The following TLL2 variants were observed in gnomAD, a reference collection of about 807,000 sequenced individuals.
The protein encoded by TLL2 is tolloid-like protein 2.
Under a neutral mutation model 123.0 loss-of-function variants are expected in TLL2, and 106 were observed. The observed-to-expected ratio is 0.86, with a 90% confidence interval of 0.74 to 1.01. TLL2 has a LOEUF of 1.01. Ranked by LOEUF, TLL2 falls within the 50% of genes least tolerant of loss-of-function variation. TLL2 has a pLI of 0.00. For synonymous variants in TLL2, 494 were observed against 516.8 expected, an observed-to-expected ratio of 0.96 and a Z score of 0.60; for missense variants, 1,332 against 1,336.7, an observed-to-expected ratio of 1.00 and a Z score of 0.06.
Position 96,368,058 on chromosome 10 carries a change from C to A in TLL2, c.*30G>T, listed in dbSNP as rs1416760423. The A allele has an allele frequency of 6.2e-6, 10 of 1,609,416 alleles. No individual in the cohort carries two copies. Among genetic ancestry groups the A allele is most frequent in the Non-Finnish European group, 8.5e-6 (10 of 1,177,182 alleles). On this transcript the variant is annotated 3_prime_UTR_variant, in exon 21 of 21. Transcript: ENST00000357947. ...AAAACAAAACAAAACAAAAAAAATT[C>A]TCAGTTTCTGTCTTTCAAGAACATC...
intron 2 of TLL2, among the ~76,000 whole-genome samples, chr10:96,472,454 A>C (rs894964865): frequency 6.6e-6 from 1 of 152,178 alleles, no homozygotes; most frequent in Non-Finnish European, 1.5e-5. Flanking sequence ...CCCCATCTAT[A>C]AGCTCTCTCA....
At chr10:96,460,524 G>C (rs1256539372) in intron 2 of TLL2, among the ~76,000 whole-genome samples, 1 of 152,122 alleles carries the variant, frequency 6.6e-6, no homozygotes, top group Non-Finnish European at 1.5e-5. Flanking sequence ...GGGTGTGATT[G>C]GATCATGGGG....
At chr10:96,396,866 T>A (rs908036749) in intron 11 of TLL2, among the ~76,000 whole-genome samples, 2 of 152,214 alleles carry the variant, frequency 1.3e-5, no homozygotes, top group African/African-American at 2.4e-5. Flanking sequence ...ATTCAGAGGC[T>A]GCTATCATTT....
intron 1 of TLL2, among the ~76,000 whole-genome samples, chr10:96,511,570 C>T (rs566787363): frequency 6.6e-6 from 1 of 152,348 alleles, no homozygotes; most frequent in South Asian, 2.1e-4. Flanking sequence ...ACAGAATATG[C>T]GTGCCCCTGA....
intron 2 of TLL2, among the ~76,000 whole-genome samples, chr10:96,474,598 G>A (rs151292756): frequency 1.3e-5 from 2 of 152,338 alleles, no homozygotes; most frequent in Non-Finnish European, 2.9e-5. Flanking sequence ...TGGGAAGAGA[G>A]GCTGGATACA....
At chr10:96,459,697 AAAAAAAAAATAT>A (rs1847056660) in intron 2 of TLL2, among the ~76,000 whole-genome samples, 1 of 58,680 alleles carries the variant, frequency 1.7e-5, no homozygotes, top group African/African-American at 6.8e-5. Flanking sequence ...AAAAAAAAAA[AAAAAAAAAATAT>A]ATATATATAT....
chr10:96,376,762 G>T lies in TLL2; in HGVS notation c.2378C>A (p.Pro793His). Reference protein sequence around the residue: ...VEGTLASPNWPDKYPSRRECT... With the variant: ...VEGTLASPNWHDKYPSRRECT... The stretch of plus-strand genomic sequence containing the variant: ...CTCCCTCCGGCTGGGGTATTTGTCA[G>T]GCCAGTTGGGGCTCGCCAGGGTCCC... Residue 793 changes from proline to histidine, a missense_variant, in exon 18 of 21, where the codon CCT becomes CAT. Physicochemically the swap from Pro to His is moderately conservative, Grantham distance 77. Coordinates refer to ENST00000357947, the MANE Select transcript of TLL2 (RefSeq NM_012465.4). 2 of 1,597,888 alleles carry T rather than the reference G, an allele frequency of 1.3e-6. No homozygotes were observed. The highest frequency in any genetic ancestry group is 1.7e-6 in the Non-Finnish European group (2 of 1,173,458).
At chr10:96,467,368 G>C (rs1248271334) in intron 2 of TLL2, among the ~76,000 whole-genome samples, 1 of 152,048 alleles carries the variant, frequency 6.6e-6, no homozygotes, top group Non-Finnish European at 1.5e-5. Flanking sequence ...TGGGATTACA[G>C]ATATATGCCA....
chr10:96,397,398 T>C (rs932043307), intron 10 of TLL2, 96 bp from the exon 11 acceptor site: 11 of 884,092 alleles, frequency 1.2e-5, no homozygotes, highest in Admixed American at 2.5e-5. Context: ...CACACGTGGT[T>C]TGAAGTGAGC....
intron 10 of TLL2, among the ~76,000 whole-genome samples, chr10:96,402,373 C>T (rs574694393): frequency 1.3e-5 from 2 of 152,256 alleles, no homozygotes; most frequent in African/African-American, 4.8e-5. Context: ...ATTCTCTGAC[C>T]CAATTTGTGG....
At chr10:96,502,281 A>G (rs1847541762) in intron 1 of TLL2, among the ~76,000 whole-genome samples, 1 of 152,186 alleles carries the variant, frequency 6.6e-6, no homozygotes, top group African/African-American at 2.4e-5. Context: ...CCCAAGTGCA[A>G]TGGGGTGACA....
chr10:96,453,086 C>A (rs975144368), intron 2 of TLL2, among the ~76,000 whole-genome samples: 1 of 152,182 alleles, frequency 6.6e-6, no homozygotes, highest in Non-Finnish European at 1.5e-5. Flanking sequence ...AATGCTTATA[C>A]ACTCCTGGTG....
intron 1 of TLL2, among the ~76,000 whole-genome samples, chr10:96,492,213 A>T (rs1484537678): frequency 2.0e-5 from 3 of 150,824 alleles, no homozygotes; most frequent in East Asian, 3.9e-4. Flanking sequence ...CCCTTTCTAT[A>T]GAAGGGAGAG....
At chr10:96,499,632 A>G (rs1847512126) in intron 1 of TLL2, among the ~76,000 whole-genome samples, 1 of 152,214 alleles carries the variant, frequency 6.6e-6, no homozygotes, top group African/African-American at 2.4e-5. Flanking sequence ...GTGCAGAATG[A>G]GCCCTCTGCT....
intron 2 of TLL2, among the ~76,000 whole-genome samples, chr10:96,451,240 A>G (rs1456965947): frequency 6.6e-6 from 1 of 152,242 alleles, no homozygotes; most frequent in Non-Finnish European, 1.5e-5. Context: ...TTAAGAAGCA[A>G]TCTGTTAGCA....
At position 96,369,203 on chromosome 10, in the gene TLL2, T is replaced by C. The variant is rs1421439968; in HGVS notation, c.2913+862A>G. ...AGCCAGGGGAGTGACTGGGACACTG[T>C]ACTGGCCAATGCGCAAACTCCCACC... On this transcript the variant is annotated intron_variant, in intron 20 of 20. Coordinates refer to ENST00000357947, the MANE Select transcript of TLL2 (RefSeq NM_012465.4). Among the ~76,000 whole-genome samples the C allele has an allele frequency of 2.6e-5, 4 of 152,266 alleles. No homozygotes were observed. The East Asian group carries it at 7.7e-4, about 29-fold the overall frequency.
At chr10:96,489,167 T>G (rs1847387306) in intron 1 of TLL2, among the ~76,000 whole-genome samples, 1 of 152,210 alleles carries the variant, frequency 6.6e-6, no homozygotes, top group Non-Finnish European at 1.5e-5. Context: ...GTAATGCTGC[T>G]GCAGGAGAGA....
chr10:96,428,749 C>G lies in TLL2; in HGVS notation c.521-1G>C. The G allele has an allele frequency of 1.2e-6, 2 of 1,604,982 alleles. No individual in the cohort carries two copies. The highest frequency in any genetic ancestry group is 1.7e-6 in the Non-Finnish European group (2 of 1,172,978). ...TGCTTAAAAATGGCCCTCTGGCTCC[C>G]TGAAACAACAGGGCAAGCACTCGAC... On this transcript the variant is annotated splice_acceptor_variant, in intron 4 of 20. Transcript: ENST00000357947. LOFTEE classifies it high-confidence loss of function.
At chr10:96,452,379 A>G (rs577897800) in intron 2 of TLL2, among the ~76,000 whole-genome samples, 3 of 152,314 alleles carry the variant, frequency 2.0e-5, no homozygotes, top group East Asian at 1.9e-4. Flanking sequence ...TAAGAGTCCA[A>G]CGTGGCTGGA....
Sources: allele counts gnomAD v4.1 joint callset (sites outside exome capture counted in the v4.1 genomes callset), GRCh38; gene constraint gnomAD v4.1.1; transcripts MANE v1.5; gene names NCBI Gene and HGNC (gene_info 2026-07-23, HGNC 2026-07-21).